Variants in ALMS1 observed in about 807,000 individuals in gnomAD.
ALMS1 encodes centrosome-associated protein ALMS1.
ALMS1 carries 271 observed loss-of-function variants against 352.2 expected under a neutral mutation model. The ratio of observed to expected loss-of-function variants is 0.77; its 90% CI spans 0.70 to 0.85. The LOEUF (loss-of-function observed/expected upper bound fraction) is 0.85. Among genes scored for constraint, ALMS1 ranks in the 40% least tolerant of loss-of-function variants. The probability of loss-of-function intolerance (pLI) is 0.00; values close to 1 mark genes in which losing one functional copy is unlikely to be tolerated. For synonymous variants in ALMS1, 1,865 were observed against 1,761.2 expected (o/e 1.06, Z -1.48); for missense variants, 5,445 against 4,870.7 (o/e 1.12, Z -3.51).
At chr2:73,575,557 T>A (rs1675033995) in intron 16 of ALMS1, among the ~76,000 whole-genome samples, 1 of 152,202 alleles carries the variant, frequency 6.6e-6, no homozygotes, top group Non-Finnish European at 1.5e-5. Flanking sequence ...TTGATTTGCA[T>A]TTCCCTAGTG....
chr2:73,454,307 A>G (rs1302014512), intron 8 of ALMS1: 1 of 983,724 alleles, frequency 1.0e-6, no homozygotes, highest in Non-Finnish European at 1.2e-6. Flanking sequence ...TACAGTATTA[A>G]TAGTACCAGC....
chr2:73,414,489 G>GTTTTTTTTTTTTT (rs11395837), intron 2 of ALMS1, among the ~76,000 whole-genome samples: 1 of 94,250 alleles, frequency 1.1e-5, no homozygotes, highest in African/African-American at 4.5e-5. Flanking sequence ...TTTTTTTTTT[G>GTTTTTTTTTTTTT]TTTTTTTTTT....
intron 9 of ALMS1, among the ~76,000 whole-genome samples, chr2:73,461,948 G>T (rs1382439146): frequency 6.6e-6 from 1 of 152,090 alleles, no homozygotes; most frequent in Non-Finnish European, 1.5e-5. Context: ...AGAAATATGG[G>T]ACTATGTGAA....
chr2:73,411,744 C>G (rs1671081867), intron 2 of ALMS1, among the ~76,000 whole-genome samples: 1 of 152,166 alleles, frequency 6.6e-6, no homozygotes, highest in South Asian at 2.1e-4. Context: ...ACATTGTCTT[C>G]CTCTCTTTTA....
rs370449418 is a variant in ALMS1 at position 73,437,851 on chromosome 2, G to A, written c.1432+5560G>A. Reference sequence around the variant, plus strand: ...CTACACAGCCAGTTCTTCTATCAACGAGACCAACTGTATTCTACCTGGTAC... The same window carrying A: ...CTACACAGCCAGTTCTTCTATCAACAAGACCAACTGTATTCTACCTGGTAC... On this transcript the variant is annotated intron_variant, in intron 7 of 22. Coordinates refer to ENST00000613296, the MANE Select transcript of ALMS1 (RefSeq NM_001378454.1). Among the ~76,000 whole-genome samples, 345 of 152,162 alleles carry A rather than the reference G, an allele frequency of 2.3e-3. 13 individuals carry two copies. In the South Asian group the frequency reaches 0.068, roughly 30 times the overall value.
intron 9 of ALMS1, among the ~76,000 whole-genome samples, chr2:73,480,252 G>T (rs190566240): frequency 2.8e-4 from 43 of 151,724 alleles, no homozygotes; most frequent in African/African-American, 1.0e-3. Context: ...ACAGTCCCCA[G>T]AGTGTGATAT....
chr2:73,519,746 C>T (rs1673632762), intron 10 of ALMS1, 29 bp from the exon 11 acceptor site: 1 of 1,613,342 alleles, frequency 6.2e-7, no homozygotes, highest in African/African-American at 1.3e-5. Flanking sequence ...AGGATATAAT[C>T]TGCTGTATTC....
rs768859686 is a variant in ALMS1, at chr2:73,414,476, T to TTTTTTTTTTGG, written c.451-4638_451-4637insGGTTTTTTTTT. Among the ~76,000 whole-genome samples, 88 of 49,062 alleles carry TTTTTTTTTTGG rather than the reference T, an allele frequency of 1.8e-3. 1 individual carries two copies. Among genetic ancestry groups the TTTTTTTTTTGG allele is most frequent in the South Asian group, 4.9e-3 (5 of 1,016 alleles). The allele number at this position is 49,062 out of a possible 152,430, so 32.2% of individuals were successfully genotyped here. ...GATATGTCATTTCTTTTTTTCCGTT[T>TTTTTTTTTTGG]TTTTTTTTTTTTGTTTTTTTTTTGC... is the stretch of plus-strand genomic sequence containing the variant. On this transcript the variant is annotated intron_variant, in intron 2 of 22. Transcript: ENST00000613296.
chr2:73,466,545 G>C (rs1043900928), intron 9 of ALMS1, among the ~76,000 whole-genome samples: 1 of 151,658 alleles, frequency 6.6e-6, no homozygotes, highest in African/African-American at 2.4e-5. Context: ...AATGTTAAAT[G>C]ACGAGTTAAT....
At chr2:73,504,377 A>C (rs1673278541) in intron 10 of ALMS1, among the ~76,000 whole-genome samples, 1 of 152,202 alleles carries the variant, frequency 6.6e-6, no homozygotes, top group Admixed American at 6.5e-5. Context: ...CTGTGAAGGA[A>C]TTCCCTTGTG....
chr2:73,563,482 G>C (rs1008627092), intron 15 of ALMS1, among the ~76,000 whole-genome samples: 6 of 152,196 alleles, frequency 3.9e-5, no homozygotes, highest in Admixed American at 3.9e-4. Context: ...CAACACTTTG[G>C]GAGGCTGAGG....
At position 73,393,414 on chromosome 2, in the gene ALMS1, G is replaced by T. The variant is rs1191313971; in HGVS notation, c.324+7222G>T. Reference sequence around the variant, plus strand: ...ACTGTTTTTTTTTTTAAATTTTATTGATTTGTGTAAATTTATAGAGTTCAA... The same window carrying T: ...ACTGTTTTTTTTTTTAAATTTTATTTATTTGTGTAAATTTATAGAGTTCAA... On this transcript the variant is annotated intron_variant, in intron 1 of 22. Transcript: ENST00000613296. Among the ~76,000 whole-genome samples, 3 of 150,864 alleles carry T rather than the reference G, an allele frequency of 2.0e-5. No homozygotes were observed. The East Asian group carries it at 5.8e-4, about 29-fold the overall frequency.
chr2:73,601,735 G>C (rs1675694643), intron 19 of ALMS1, among the ~76,000 whole-genome samples: 1 of 152,272 alleles, frequency 6.6e-6, no homozygotes, highest in African/African-American at 2.4e-5. Flanking sequence ...GGAGGGCCCG[G>C]AGGCCTGACG....
intron 10 of ALMS1, among the ~76,000 whole-genome samples, chr2:73,498,511 TTGTGTG>T (rs111770942): frequency 6.7e-6 from 1 of 150,206 alleles, no homozygotes; most frequent in African/African-American, 2.4e-5. Context: ...TCTTTCTATT[TTGTGTG>T]TGTGTGTGTG....
Position 73,451,188 on chromosome 2 carries a change from C to T in ALMS1, c.4661C>T (p.Pro1554Leu). The change falls in exon 8 of 23, where the codon CCT becomes CTT. Residue 1554 changes from proline to leucine, a missense_variant. Transcript: ENST00000613296. Reference protein sequence around the residue: ...PEEALRVSSAPGPADQTTGIP... With the variant: ...PEEALRVSSALGPADQTTGIP... ...GAGGCTCTCAGAGTTTCTTCTGCTCCTGGACCAGCTGACCAGACAACTGGC... is the reference window on the plus strand; with the variant it reads ...GAGGCTCTCAGAGTTTCTTCTGCTCTTGGACCAGCTGACCAGACAACTGGC... The T allele has an allele frequency of 6.2e-7, 1 of 1,614,068 alleles. No homozygotes were observed. Among genetic ancestry groups the T allele is most frequent in the Admixed American group, 1.7e-5 (1 of 60,000 alleles).
At chr2:73,550,240 T>A in intron 12 of ALMS1, 27 bp from the exon 13 acceptor site, 1 of 1,613,344 alleles carries the variant, frequency 6.2e-7, no homozygotes, top group Admixed American at 1.7e-5. Context: ...TATTTGTGTT[T>A]TGTATTACTT....
At chr2:73,516,534 A>G (rs1673560212) in intron 10 of ALMS1, among the ~76,000 whole-genome samples, 1 of 152,240 alleles carries the variant, frequency 6.6e-6, no homozygotes, top group African/African-American at 2.4e-5. Flanking sequence ...AAAGACATGG[A>G]ATACAAAAAA....
intron 11 of ALMS1, among the ~76,000 whole-genome samples, chr2:73,524,882 C>A (rs1370284212): frequency 6.6e-6 from 1 of 152,222 alleles, no homozygotes; most frequent in Non-Finnish European, 1.5e-5. Context: ...TTCCCCCACA[C>A]TGCTCACTAC....
chr2:73,446,622 G>A (rs1014171127), intron 7 of ALMS1, among the ~76,000 whole-genome samples: 10 of 152,076 alleles, frequency 6.6e-5, no homozygotes, highest in Non-Finnish European at 1.2e-4. Context: ...TTTGAAGCTC[G>A]TCAGTGGCCA....
Sources: allele counts gnomAD v4.1 joint callset (sites outside exome capture counted in the v4.1 genomes callset), GRCh38; gene constraint gnomAD v4.1.1; transcripts MANE v1.5; gene names NCBI Gene and HGNC (gene_info 2026-07-23, HGNC 2026-07-21).